Variants in CACNA1D observed in about 807,000 individuals in gnomAD.
The protein encoded by CACNA1D is calcium voltage-gated channel subunit alpha1 D.
Under a neutral mutation model 257.1 loss-of-function variants are expected in CACNA1D, and 55 were observed. The ratio of observed to expected loss-of-function variants is 0.21; its 90% CI spans 0.17 to 0.27. The LOEUF is 0.27. Ranked by LOEUF, CACNA1D falls within the 10% of genes least tolerant of loss-of-function variation. The pLI is 1.00. For missense variants in CACNA1D, 1,876 were observed against 2,784.0 expected (o/e 0.67, Z 7.34); for synonymous variants, 980 against 1,014.9 (o/e 0.97, Z 0.65).
intron 3 of CACNA1D, among the ~76,000 whole-genome samples, chr3:53,597,522 A>G (rs966430415): frequency 6.6e-6 from 1 of 152,174 alleles, no homozygotes; most frequent in East Asian, 1.9e-4. Context: ...GCCTATTTGG[A>G]TTCCCCCACT....
chr3:53,498,416 T>TCTTCAGTAAC (rs2090440576), intron 2 of CACNA1D, among the ~76,000 whole-genome samples: 1 of 152,202 alleles, frequency 6.6e-6, no homozygotes, highest in Non-Finnish European at 1.5e-5. Flanking sequence ...TTACTGCCAC[T>TCTTCAGTAAC]CTTCAGAGAA....
intron 29 of CACNA1D, among the ~76,000 whole-genome samples, chr3:53,755,993 G>A (rs770966639): frequency 1.3e-5 from 2 of 152,180 alleles, no homozygotes; most frequent in African/African-American, 2.4e-5. Flanking sequence ...CCTCCTCTCA[G>A]GAGAGCCTTT....
At chr3:53,695,972 G>C (rs573751492) in intron 8 of CACNA1D, among the ~76,000 whole-genome samples, 1 of 152,016 alleles carries the variant, frequency 6.6e-6, no homozygotes, top group African/African-American at 2.4e-5. Flanking sequence ...TTGTTTGTTT[G>C]ATTGTTTTTG....
rs543775808 is a variant in CACNA1D, at chr3:53,764,487, T to C, written c.3870+2406T>C. Among the ~76,000 whole-genome samples, 4 of 152,292 alleles carry C rather than the reference T, an allele frequency of 2.6e-5. No homozygotes were observed. In the East Asian group the frequency reaches 7.7e-4, roughly 29 times the overall value. Reference sequence around the variant, plus strand: ...AGCACTTCAAGTGCTGTGCAGGTGGTGGGTGTAAACACTTAGCTTCCGGGC... The same window carrying C: ...AGCACTTCAAGTGCTGTGCAGGTGGCGGGTGTAAACACTTAGCTTCCGGGC... On this transcript the variant is annotated intron_variant, in intron 30 of 47. Transcript: ENST00000350061.
At chr3:53,797,323 C>T (rs541565708) in intron 40 of CACNA1D, among the ~76,000 whole-genome samples, 3 of 152,154 alleles carry the variant, frequency 2.0e-5, no homozygotes, top group Admixed American at 6.5e-5. Flanking sequence ...CACTCCCAGT[C>T]GTGGGGGACA....
chr3:53,735,378 C>T lies in CACNA1D; in HGVS notation c.2626C>T (p.Arg876Cys), dbSNP rs2095047454. The T allele has an allele frequency of 6.2e-7, 1 of 1,613,986 alleles. No individual in the cohort carries two copies. The highest frequency in any genetic ancestry group is 8.5e-7 in the Non-Finnish European group (1 of 1,179,852). The change falls in exon 20 of 48, where the codon CGC becomes TGC. Residue 876 changes from arginine to cysteine, a missense_variant. Physicochemically the swap from Arg to Cys is radical, Grantham distance 180 (BLOSUM62 -3). Transcript: ENST00000350061. ...FFILSKTNPI[R>C]VGCHKLINHH... ...AGCAGCGGCTTTTCCCTGCAGGATC[C>T]GCGTAGGCTGCCACAAGCTCATCAA...
intron 3 of CACNA1D, among the ~76,000 whole-genome samples, chr3:53,563,637 A>G (rs2092781325): frequency 6.6e-6 from 1 of 151,746 alleles, no homozygotes. Flanking sequence ...CATATTTTTG[A>G]AGTTTATATA....
chr3:53,678,986 T>C (rs975642633), intron 8 of CACNA1D: 4 of 151,968 alleles, frequency 2.6e-5, no homozygotes, highest in Non-Finnish European at 5.9e-5. Context: ...TTTCTCTCAT[T>C]TGGCCAGGCA....
chr3:53,535,147 C>T (rs2092076657), intron 3 of CACNA1D, among the ~76,000 whole-genome samples: 1 of 152,202 alleles, frequency 6.6e-6, no homozygotes, highest in African/African-American at 2.4e-5. Flanking sequence ...AGCTGCATGC[C>T]ACGTCTTTAT....
At chr3:53,509,077 AG>A (rs2090992339) in intron 3 of CACNA1D, among the ~76,000 whole-genome samples, 1 of 152,214 alleles carries the variant, frequency 6.6e-6, no homozygotes. Context: ...GATGGAAATA[AG>A]GAGAGTGGTG....
intron 3 of CACNA1D, among the ~76,000 whole-genome samples, chr3:53,640,880 G>T (rs955636557): frequency 6.6e-6 from 1 of 152,160 alleles, no homozygotes; most frequent in African/African-American, 2.4e-5. Context: ...GGGGGATGGG[G>T]GTTAGAAGCA....
intron 4 of CACNA1D, among the ~76,000 whole-genome samples, chr3:53,651,195 C>T (rs1164831247): frequency 1.3e-5 from 2 of 152,012 alleles, no homozygotes; most frequent in Non-Finnish European, 2.9e-5. Context: ...TTACCTAACA[C>T]GGTCTTGGAT....
intron 3 of CACNA1D, among the ~76,000 whole-genome samples, chr3:53,639,858 A>G (rs1172066528): frequency 8.6e-6 from 1 of 116,796 alleles, no homozygotes; most frequent in Non-Finnish European, 1.7e-5. Flanking sequence ...CTCATTTCTT[A>G]CTTTTTTTTT....
chr3:53,734,008 ATGTGTGTG>A (rs67631750), intron 19 of CACNA1D, among the ~76,000 whole-genome samples: 3 of 71,032 alleles, frequency 4.2e-5, no homozygotes, highest in Admixed American at 3.6e-4. Context: ...ACATATATAT[ATGTGTGTG>A]TATATATATA....
intron 14 of CACNA1D, among the ~76,000 whole-genome samples, chr3:53,725,004 C>CTTTTTT (rs35909723): frequency 2.8e-5 from 4 of 145,088 alleles, no homozygotes; most frequent in African/African-American, 1.0e-4. Context: ...AAACTGGTGT[C>CTTTTTT]TTTTTTTTTT....
chr3:53,582,450 T>G (rs1243358736), intron 3 of CACNA1D, among the ~76,000 whole-genome samples: 1 of 151,848 alleles, frequency 6.6e-6, no homozygotes, highest in Non-Finnish European at 1.5e-5. Context: ...TTTGTCATGG[T>G]TATTGGGGGT....
At chr3:53,769,924 G>T in intron 30 of CACNA1D, 49 bp from the exon 31 acceptor site, 1 of 1,395,254 alleles carries the variant, frequency 7.2e-7, no homozygotes. Flanking sequence ...TGGAACCATT[G>T]ACTCCTTCCT....
intron 40 of CACNA1D, among the ~76,000 whole-genome samples, chr3:53,787,447 G>GTGTGTGTA (rs1358400429): frequency 6.6e-6 from 1 of 151,266 alleles, no homozygotes; most frequent in East Asian, 1.9e-4. Flanking sequence ...GTGTGTGTGT[G>GTGTGTGTA]TGTGTGTATG....
intron 7 of CACNA1D, among the ~76,000 whole-genome samples, chr3:53,670,376 G>A (rs2094310984): frequency 6.6e-6 from 1 of 152,034 alleles, no homozygotes; most frequent in African/African-American, 2.4e-5. Context: ...ACGGAGTTTT[G>A]CTCTGTTGCC....
Sources: allele counts gnomAD v4.1 joint callset (sites outside exome capture counted in the v4.1 genomes callset), GRCh38; gene constraint gnomAD v4.1.1; transcripts MANE v1.5; gene names NCBI Gene and HGNC (gene_info 2026-07-23, HGNC 2026-07-21).